The following ITIH1 variants were observed in gnomAD, a reference collection of about 807,000 sequenced individuals.
ITIH1 encodes inter-alpha-trypsin inhibitor heavy chain H1.
In ITIH1, 94 loss-of-function variants were observed where a neutral mutation model predicts 104.6. That is an observed-to-expected ratio of 0.90 (90% CI 0.76 to 1.07). ITIH1 has a LOEUF of 1.07. ITIH1 is among the 50% of genes least tolerant of loss of function. The pLI is 0.00. For missense variants in ITIH1, 1,193 were observed against 1,181.4 expected (o/e 1.01, Z -0.14); for synonymous variants, 455 against 464.4 (o/e 0.98, Z 0.26).
At chr3:52,786,213 A>G in intron 12 of ITIH1, 82 bp from the exon 13 acceptor site, 2 of 1,411,716 alleles carry the variant, frequency 1.4e-6, no homozygotes, top group Non-Finnish European at 1.9e-6. Flanking sequence ...ACCAGACGAA[A>G]TGGGCCCCTC....
intron 12 of ITIH1, among the ~76,000 whole-genome samples, chr3:52,785,677 G>A (rs1046996300): frequency 1.3e-5 from 2 of 152,194 alleles, no homozygotes; most frequent in African/African-American, 2.4e-5. Flanking sequence ...CACAGACAAC[G>A]CCCTAAGTGT....
rs181667961 is a variant in ITIH1 at position 52,784,703 on chromosome 3, C to T, written c.1407+226C>T. 2.0e-4 allele frequency among the ~76,000 whole-genome samples: 31 copies of T among 152,198 alleles called. 1 individual carries two copies. The East Asian group carries it at 3.5e-3, about 17-fold the overall frequency. On this transcript the variant is annotated intron_variant, in intron 11 of 21. Transcript: ENST00000273283. Reference sequence around the variant, plus strand: ...CAGCCTGGCCAACATGGTGAAACCCCGTCTCTACTGAAGATACAAAAATTA... The same window carrying T: ...CAGCCTGGCCAACATGGTGAAACCCTGTCTCTACTGAAGATACAAAAATTA...
Position 52,791,737 on chromosome 3 carries a change from C to A in ITIH1, c.2607-45C>A, listed in dbSNP as rs763909351. 4.4e-6 allele frequency: 7 copies of A among 1,605,744 alleles called. No homozygotes were observed. In the Admixed American group the frequency reaches 1.2e-4, roughly 27 times the overall value. On this transcript the variant is annotated intron_variant, in intron 21 of 21. Transcript: ENST00000273283. ...GGTGAGCTTCCTGGGGAGGTGCTGC[C>A]CTACTGGTCCGAAGGGTGACCCCAG...
In ITIH1 at chr3:52,779,432, G is replaced by A. The variant is rs749290585; in HGVS notation, c.411G>A (p.Arg137=). Residue 137 remains arginine (R), a splice_region_variant and synonymous_variant, in exon 5 of 22, where the codon AGG becomes AGA. Transcript: ENST00000273283. The surrounding 1 kb of genome is among the most constrained non-coding windows in gnomAD (Gnocchi z 4.4). Reference sequence around the variant, plus strand: ...CTGTTGCCTCTGGTGGCACATCCAGGGCCTCGGGGAGAACTATGGAGCAAT... The same window carrying A: ...CTGTTGCCTCTGGTGGCACATCCAGAGCCTCGGGGAGAACTATGGAGCAAT... The part of the protein sequence containing the change: ...AISGENAGLV[R]ASGRTMEQFT... 1.2e-6 allele frequency: 2 copies of A among 1,614,208 alleles called. No individual in the cohort carries two copies. The highest frequency in any genetic ancestry group is 1.7e-5 in the Admixed American group (1 of 60,026).
rs369365494 is a variant in ITIH1 at position 52,779,086 on chromosome 3, C to A, written c.410+40C>A. 9 of 1,397,404 alleles carry A rather than the reference C, an allele frequency of 6.4e-6. No individual in the cohort carries two copies. The South Asian group carries it at 1.0e-4, about 16-fold the overall frequency. The allele number at this position is 1,397,404 out of a possible 1,614,324, so 86.6% of individuals were successfully genotyped here. On this transcript the variant is annotated intron_variant, in intron 4 of 21. Transcript: ENST00000273283. This position sits in a 1 kb window ranked among gnomAD's most constrained non-coding sequence, Gnocchi z 4.4. ...TGCTGGTCTCATCTCTAGGGCTGCC[C>A]TCCCCAGCCAGGACAGGTCTGATGG...
rs1420875670 is a variant in ITIH1 at position 52,790,776 on chromosome 3, G to A, written c.2349G>A (p.Arg783=). 3.1e-6 allele frequency: 5 copies of A among 1,612,864 alleles called. No homozygotes were observed. The South Asian group carries it at 3.3e-5, about 11-fold the overall frequency. Residue 783 remains arginine (R), a synonymous_variant, in exon 20 of 22, where the codon AGG becomes AGA. Coordinates refer to ENST00000273283, the MANE Select transcript of ITIH1 (RefSeq NM_002215.4). ...DGVVVTINKK[R]NLVVSVDDGG... is the part of the protein sequence containing the mutation. ...TGGTGGTGACCATCAACAAGAAGAGGAACCTGGTGGTGTCTGTGGACGACG... is the reference window on the plus strand; with the variant it reads ...TGGTGGTGACCATCAACAAGAAGAGAAACCTGGTGGTGTCTGTGGACGACG...
In ITIH1 at chr3:52,790,808, C is replaced by T. The variant is rs773327275; in HGVS notation, c.2381C>T (p.Thr794Ile). 6.2e-7 allele frequency: 1 copy of T among 1,612,876 alleles called. No homozygotes were observed. The highest frequency in any genetic ancestry group is 1.1e-5 in the South Asian group (1 of 90,816). ...NLVVSVDDGG[T>I]FEVVLHRVWK... ...GTGGTGTCTGTGGACGACGGTGGCA[C>T]CTTTGAGGTTGTTTTGCACCGAGTG... The change falls in exon 20 of 22, where the codon ACC (threonine) becomes ATC (isoleucine). Residue 794 changes from threonine (T) to isoleucine (I), a missense_variant. Coordinates refer to ENST00000273283, the MANE Select transcript of ITIH1 (RefSeq NM_002215.4).
chr3:52,791,731 T>C, intron 21 of ITIH1, 51 bp from the exon 22 acceptor site: 1 of 1,605,898 alleles, frequency 6.2e-7, no homozygotes. Flanking sequence ...CCTGGGGAGG[T>C]GCTGCCCTAC....
At chr3:52,781,911 G>C in intron 6 of ITIH1, 29 bp from the exon 7 acceptor site, 2 of 1,613,370 alleles carry the variant, frequency 1.2e-6, no homozygotes, top group Non-Finnish European at 1.7e-6. Context: ...ACACAGACCA[G>C]TAATGGCTCA....
rs995764815 is a variant in ITIH1 at position 52,780,293 on chromosome 3, C to G, written c.598C>G (p.Gln200Glu). ...GATTGATGTGGACATCTTCGAGCCC[C>G]AGGGGATCAGCAAGCTGGATGCCCA... ...FEIDVDIFEP[Q>E]GISKLDAQAS... The change falls in exon 6 of 22, where the codon CAG becomes GAG. Residue 200 changes from glutamine to glutamate, a missense_variant. By Grantham distance (29) the Gln-to-Glu change is conservative. Transcript: ENST00000273283. The G allele has an allele frequency of 6.2e-7, 1 of 1,613,870 alleles. No homozygotes were observed. Among genetic ancestry groups the G allele is most frequent in the Non-Finnish European group, 8.5e-7 (1 of 1,179,832 alleles).
In ITIH1 at chr3:52,791,978, T is replaced by C; in HGVS notation, c.*67T>C. The C allele has an allele frequency of 2.0e-6, 3 of 1,526,898 alleles. No individual in the cohort carries two copies. Among genetic ancestry groups the C allele is most frequent in the Non-Finnish European group, 2.7e-6 (3 of 1,124,668 alleles). 94.6% of individuals were successfully genotyped at this position (1,526,898 alleles called of 1,614,324 possible). A position where few individuals can be genotyped will look rare whatever the true frequency, so the allele number is the denominator to read the frequency against. On this transcript the variant is annotated 3_prime_UTR_variant, in exon 22 of 22. Coordinates refer to ENST00000273283, the MANE Select transcript of ITIH1 (RefSeq NM_002215.4). ...AGAGGAGGAGGACGACATCCTGACC[T>C]GCTGCTGAGGCTGTACCTCCTTGAC... is the stretch of plus-strand genomic sequence containing the variant.
At chr3:52,785,734 G>C (rs1165899541) in intron 12 of ITIH1, among the ~76,000 whole-genome samples, 1 of 152,224 alleles carries the variant, frequency 6.6e-6, no homozygotes, top group Non-Finnish European at 1.5e-5. Context: ...AGTTGAGCTG[G>C]ACCTTGGCTC....
At position 52,788,228 on chromosome 3, in the gene ITIH1, C is replaced by T; in HGVS notation, c.2006-4C>T. The T allele has an allele frequency of 6.3e-7, 1 of 1,596,832 alleles. No individual in the cohort carries two copies. ...ATCTAACGAATTCCATGCTGTGCCC[C>T]CAGTGGACACAGACCCTCACTTCAT... is the stretch of plus-strand genomic sequence containing the variant. On this transcript the variant is annotated splice_region_variant and splice_polypyrimidine_tract_variant and intron_variant, in intron 17 of 21. Coordinates refer to ENST00000273283, the MANE Select transcript of ITIH1 (RefSeq NM_002215.4).
In ITIH1 at chr3:52,786,935, T is replaced by C. The variant is rs1699218693; in HGVS notation, c.1734-10T>C. 1.2e-6 allele frequency: 2 copies of C among 1,607,092 alleles called. No homozygotes were observed. ...TCGGGGCTTGGAGCCAGCCTCTGTCTTGAATGCAGGATGAAGGTGGACAGG... is the reference window on the plus strand; with the variant it reads ...TCGGGGCTTGGAGCCAGCCTCTGTCCTGAATGCAGGATGAAGGTGGACAGG... On this transcript the variant is annotated splice_polypyrimidine_tract_variant and intron_variant, in intron 13 of 21. Coordinates refer to ENST00000273283, the MANE Select transcript of ITIH1 (RefSeq NM_002215.4).
In ITIH1 at chr3:52,779,973, C is replaced by A; in HGVS notation, c.574-296C>A. 7.2e-7 allele frequency: 1 copy of A among 1,391,022 alleles called. No individual in the cohort carries two copies. The highest frequency in any genetic ancestry group is 9.3e-7 in the Non-Finnish European group (1 of 1,073,978). 86.2% of individuals were successfully genotyped at this position (1,391,022 alleles called of 1,614,324 possible). A position where few individuals can be genotyped will look rare whatever the true frequency, so the allele number is the denominator to read the frequency against. On this transcript the variant is annotated intron_variant, in intron 5 of 21. Transcript: ENST00000273283. The surrounding 1 kb of genome is among the most constrained non-coding windows in gnomAD (Gnocchi z 4.4). The stretch of plus-strand genomic sequence containing the variant: ...CTGAGTTGAGGGATGCAGGCATGTA[C>A]ACCTTCATTTGGTCAGTATTTTTGG...
chr3:52,780,278 G>T lies in ITIH1; in HGVS notation c.583G>T (p.Asp195Tyr). 6.2e-7 allele frequency: 1 copy of T among 1,611,886 alleles called. No homozygotes were observed. The highest frequency in any genetic ancestry group is 8.5e-7 in the Non-Finnish European group (1 of 1,178,380). The change falls in exon 6 of 22, where the codon GAC (aspartate) becomes TAC (tyrosine). Residue 195 changes from aspartate (D) to tyrosine (Y), a missense_variant. Asp to Tyr is a radical substitution (Grantham distance 160, BLOSUM62 -3). Coordinates refer to ENST00000273283, the MANE Select transcript of ITIH1 (RefSeq NM_002215.4). The stretch of plus-strand genomic sequence containing the variant: ...TGCTTCAATGTTGCAGATTGATGTG[G>T]ACATCTTCGAGCCCCAGGGGATCAG... Reference protein sequence around the residue: ...QLVHHFEIDVDIFEPQGISKL... With the variant: ...QLVHHFEIDVYIFEPQGISKL...
At chr3:52,787,523 G>A (rs1188748678) in intron 15 of ITIH1, 69 bp from the exon 16 acceptor site, 18 of 1,583,020 alleles carry the variant, frequency 1.1e-5, no homozygotes, top group African/African-American at 9.4e-5. Context: ...TGTGGACAGA[G>A]CTGCATGCCT....
intron 19 of ITIH1, chr3:52,790,510 G>C: frequency 4.2e-6 from 2 of 472,612 alleles, no homozygotes; most frequent in Non-Finnish European, 7.5e-6. Flanking sequence ...TCACAGGCTC[G>C]GAGTGAGGAT....
chr3:52,789,387 A>C (rs545308875), intron 18 of ITIH1, among the ~76,000 whole-genome samples: 12 of 152,068 alleles, frequency 7.9e-5, no homozygotes, highest in African/African-American at 2.9e-4. Context: ...GGAGCAGGCT[A>C]GGTCCTGTTC....
Sources: gnomAD v4.1 joint callset for allele counts (sites outside exome capture counted in the v4.1 genomes callset) on GRCh38, gnomAD v4.1.1 for gene constraint, Gnocchi (gnomAD v3.1) non-coding constraint, MANE v1.5 for transcripts, NCBI Gene and HGNC (gene_info 2026-07-23, HGNC 2026-07-21) for gene names.